Variants in UNC5B observed in about 807,000 individuals in gnomAD.
UNC5B encodes the protein netrin receptor UNC5B.
In UNC5B, 56 loss-of-function variants were observed where a neutral mutation model predicts 103.7. The ratio of observed to expected loss-of-function variants is 0.54; its 90% CI spans 0.44 to 0.67. The LOEUF is 0.67. UNC5B is among the 30% of genes least tolerant of loss of function. The pLI is 0.00. For synonymous variants in UNC5B, 577 were observed against 542.0 expected, an observed-to-expected ratio of 1.06 and a Z score of -0.90; for missense variants, 1,194 against 1,284.5, an observed-to-expected ratio of 0.93 and a Z score of 1.08.
In UNC5B at chr10:71,284,753, C is replaced by T. The variant is rs779677077; in HGVS notation, c.338C>T (p.Ser113Leu). ...LRVREVQIEVSRQQVEELFGL... is the reference protein window; with the variant it reads ...LRVREVQIEVLRQQVEELFGL... ...GTGCGCGAGGTGCAGATCGAGGTGT[C>T]GCGGCAGCAGGTGGAGGAGCTCTTT... The change falls in exon 3 of 17, where the codon TCG (serine) becomes TTG (leucine). Residue 113 changes from serine (S) to leucine (L), a missense_variant. Transcript: ENST00000335350. The T allele has an allele frequency of 7.0e-6, 11 of 1,573,656 alleles. No homozygotes were observed. Among genetic ancestry groups the T allele is most frequent in the South Asian group, 3.4e-5 (3 of 88,958 alleles).
intron 1 of UNC5B, among the ~76,000 whole-genome samples, chr10:71,248,835 C>G (rs1844103735): frequency 6.9e-6 from 1 of 144,188 alleles, no homozygotes; most frequent in East Asian, 2.0e-4. Flanking sequence ...GGTACAGGCT[C>G]CTCCCTCTCT....
chr10:71,245,087 C>T (rs922139819), intron 1 of UNC5B, among the ~76,000 whole-genome samples: 3 of 152,236 alleles, frequency 2.0e-5, no homozygotes, highest in Non-Finnish European at 4.4e-5. Flanking sequence ...ATTCTATTCA[C>T]TATTGTCCCC....
intron 1 of UNC5B, among the ~76,000 whole-genome samples, chr10:71,222,210 A>G (rs1435013516): frequency 6.6e-6 from 1 of 152,148 alleles, no homozygotes; most frequent in Non-Finnish European, 1.5e-5. Context: ...ACGTGAAGGT[A>G]TGGGTGTGAA....
At position 71,229,273 on chromosome 10, in the gene UNC5B, C is replaced by T. The variant is rs149157784; in HGVS notation, c.79+16209C>T. On this transcript the variant is annotated intron_variant, in intron 1 of 16. Transcript: ENST00000335350. ...TGGGTGCATGGGGAGCAACAAGCCC[C>T]AGGGGCAGATCAGCTGGTCTGCTGG... 2.4e-4 allele frequency among the ~76,000 whole-genome samples: 36 copies of T among 152,298 alleles called. No individual in the cohort carries two copies. In the East Asian group the frequency reaches 3.9e-3, roughly 16 times the overall value.
chr10:71,286,941 A>G (rs1845104831), intron 5 of UNC5B, 72 bp downstream of exon 5: 1 of 1,559,394 alleles, frequency 6.4e-7, no homozygotes, highest in South Asian at 1.2e-5. Flanking sequence ...GGTAGGGGGG[A>G]CCCCTGGATT....
intron 1 of UNC5B, among the ~76,000 whole-genome samples, chr10:71,272,151 A>G (rs1291394983): frequency 6.6e-6 from 1 of 152,180 alleles, no homozygotes. Context: ...CCACGCAGTG[A>G]ATGGGAGAGA....
chr10:71,291,518 G>T lies in UNC5B; in HGVS notation c.1381G>T (p.Asp461Tyr). 1 of 1,614,100 alleles carries T rather than the reference G, an allele frequency of 6.2e-7. No homozygotes were observed. The highest frequency in any genetic ancestry group is 8.5e-7 in the Non-Finnish European group (1 of 1,180,012). Reference protein sequence around the residue: ...IYRGPVYALQDSTDKIPMTNS... With the variant: ...IYRGPVYALQYSTDKIPMTNS... Reference sequence around the variant, plus strand: ...CCGCGGACCCGTGTATGCCCTGCAGGACTCCACCGACAAAATCCCCATGAC... The same window carrying T: ...CCGCGGACCCGTGTATGCCCTGCAGTACTCCACCGACAAAATCCCCATGAC... The change falls in exon 10 of 17, where the codon GAC becomes TAC. Residue 461 changes from aspartate (D) to tyrosine (Y), a missense_variant. Physicochemically the swap from Asp to Tyr is radical, Grantham distance 160 (BLOSUM62 -3). Transcript: ENST00000335350.
intron 9 of UNC5B, 100 bp downstream of exon 9, chr10:71,291,209 G>A: frequency 1.4e-6 from 2 of 1,448,246 alleles, no homozygotes; most frequent in Non-Finnish European, 1.9e-6. Flanking sequence ...TCCCTCCCAG[G>A]GTTTTTCCAG....
At chr10:71,280,128 A>G in intron 2 of UNC5B, 83 bp downstream of exon 2, 2 of 1,430,446 alleles carry the variant, frequency 1.4e-6, no homozygotes, top group South Asian at 1.2e-5. Flanking sequence ...GACTTCACAC[A>G]GCCATGGTGC....
At chr10:71,245,912 G>A (rs774649838) in intron 1 of UNC5B, among the ~76,000 whole-genome samples, 3 of 152,184 alleles carry the variant, frequency 2.0e-5, no homozygotes, top group Non-Finnish European at 4.4e-5. Context: ...CAAGGACACG[G>A]GGCTGTGACT....
chr10:71,242,954 C>T (rs1041554973), intron 1 of UNC5B, among the ~76,000 whole-genome samples: 4 of 152,196 alleles, frequency 2.6e-5, no homozygotes, highest in Middle Eastern at 6.8e-3. Flanking sequence ...TCTGGGGAGC[C>T]GGGCGCGGTG....
In UNC5B at chr10:71,289,651, C is replaced by T. The variant is rs116517169; in HGVS notation, c.1099+661C>T. ...GCCCTCGGCCGAGCTCACTGGGGGT[C>T]GGGCTGGGGATGATTCAAGTGTAAG... On this transcript the variant is annotated intron_variant, in intron 8 of 16. Transcript: ENST00000335350. 9.8e-4 allele frequency among the ~76,000 whole-genome samples: 150 copies of T among 152,336 alleles called. 2 individuals are homozygous for T. The South Asian group carries it at 0.024, about 24-fold the overall frequency.
At chr10:71,227,441 TAA>T (rs1231518122) in intron 1 of UNC5B, among the ~76,000 whole-genome samples, 1 of 151,786 alleles carries the variant, frequency 6.6e-6, no homozygotes, top group African/African-American at 2.4e-5. Context: ...GGGTGAGGGA[TAA>T]AAGACTACAC....
At chr10:71,294,640 T>A (rs1005300538) in intron 13 of UNC5B, among the ~76,000 whole-genome samples, 1 of 151,512 alleles carries the variant, frequency 6.6e-6, no homozygotes, top group Non-Finnish European at 1.5e-5. Flanking sequence ...CGGTGACTGA[T>A]GGGATGGGCA....
chr10:71,299,391 G>T lies in UNC5B; in HGVS notation c.*114G>T. ...TGCTTCCTCCCAGTTCACAGCCAGAGTTGCCTCTCCTCCTCCTCTTCCCCA... is the reference window on the plus strand; with the variant it reads ...TGCTTCCTCCCAGTTCACAGCCAGATTTGCCTCTCCTCCTCCTCTTCCCCA... On this transcript the variant is annotated 3_prime_UTR_variant, in exon 17 of 17. Transcript: ENST00000335350. The T allele has an allele frequency of 7.3e-7, 1 of 1,371,564 alleles. No homozygotes were observed. 85.0% of individuals were successfully genotyped at this position (1,371,564 alleles called of 1,614,324 possible). A position where few individuals can be genotyped will look rare whatever the true frequency, so the allele number is the denominator to read the frequency against.
intron 2 of UNC5B, among the ~76,000 whole-genome samples, chr10:71,280,778 T>C (rs942228046): frequency 6.6e-6 from 1 of 152,188 alleles, no homozygotes; most frequent in Non-Finnish European, 1.5e-5. Flanking sequence ...TGTCACCAGG[T>C]CCCTGTTGAT....
chr10:71,293,075 G>A (rs1196212278), intron 11 of UNC5B, among the ~76,000 whole-genome samples: 1 of 152,208 alleles, frequency 6.6e-6, no homozygotes, highest in East Asian at 1.9e-4. Context: ...GCACGTGGCC[G>A]GGAGTATAGA....
rs140957531 is a variant in UNC5B at position 71,293,585 on chromosome 10, C to A, written c.1941+12C>A. 1.9e-5 allele frequency: 30 copies of A among 1,613,440 alleles called. No individual in the cohort carries two copies. The highest frequency in any genetic ancestry group is 5.3e-5 in the African/African-American group (4 of 74,934). On this transcript the variant is annotated intron_variant, in intron 12 of 16. Coordinates refer to ENST00000335350, the MANE Select transcript of UNC5B (RefSeq NM_170744.5). The stretch of plus-strand genomic sequence containing the variant: ...AGGGCCACTGGGAGGTGAGGAGCCA[C>A]GGTGAAGGCTGGCCCAGCTCTCCCA...
intron 2 of UNC5B, among the ~76,000 whole-genome samples, chr10:71,282,381 C>G (rs1486917923): frequency 6.6e-6 from 1 of 152,202 alleles, no homozygotes; most frequent in Non-Finnish European, 1.5e-5. Context: ...GGGCCTCAAG[C>G]CTGGGAGACC....
Sources: gnomAD v4.1 joint callset for allele counts (sites outside exome capture counted in the v4.1 genomes callset) on GRCh38, gnomAD v4.1.1 for gene constraint, MANE v1.5 for transcripts, NCBI Gene and HGNC (gene_info 2026-07-23, HGNC 2026-07-21) for gene names.